Variants in NCAPG observed in about 807,000 individuals in gnomAD.
NCAPG encodes the protein non-SMC condensin I complex subunit G.
A neutral mutation model predicts 113.1 loss-of-function variants in NCAPG; 69 were observed. The ratio of observed to expected loss-of-function variants is 0.61; its 90% CI spans 0.50 to 0.75. The LOEUF is 0.75. Among genes scored for constraint, NCAPG ranks in the 30% least tolerant of loss-of-function variants. NCAPG has a pLI of 0.00. For missense variants in NCAPG, 1,058 were observed against 1,177.0 expected (o/e 0.90, Z 1.48); for synonymous variants, 370 against 415.8 (o/e 0.89, Z 1.34).
intron 5 of NCAPG, among the ~76,000 whole-genome samples, chr4:17,816,178 T>G (rs752808087): frequency 5.9e-5 from 9 of 152,122 alleles, no homozygotes; most frequent in Non-Finnish European, 1.3e-4. Context: ...CAGATGAAAC[T>G]GTTCCACCTC....
At chr4:17,836,800 C>T (rs775058023) in intron 14 of NCAPG, among the ~76,000 whole-genome samples, 6 of 152,186 alleles carry the variant, frequency 3.9e-5, no homozygotes, top group Non-Finnish European at 8.8e-5. Context: ...TAGGCACCTT[C>T]CTCTAATACC....
chr4:17,837,138 A>G (rs2109063786), intron 14 of NCAPG, 21 bp from the exon 15 acceptor site: 1 of 1,607,086 alleles, frequency 6.2e-7, no homozygotes, highest in Non-Finnish European at 8.5e-7. Context: ...AATTTCTTCT[A>G]ATGAATGTCA....
Position 17,840,666 on chromosome 4 carries a change from A to G in NCAPG, c.2827A>G (p.Lys943Glu). 1 of 1,556,610 alleles carries G rather than the reference A, an allele frequency of 6.4e-7. No individual in the cohort carries two copies. Among genetic ancestry groups the G allele is most frequent in the Non-Finnish European group, 8.7e-7 (1 of 1,153,116 alleles). The change falls in exon 19 of 21, where the codon AAG (lysine) becomes GAG (glutamate). Residue 943 changes from lysine (K) to glutamate (E), a missense_variant. Physicochemically the swap from Lys to Glu is moderately conservative, Grantham distance 56 (BLOSUM62 1). Transcript: ENST00000251496. ...GGGTGTAAAAGCAACCCAAGCATCA[A>G]AGTCTACTCAGCTAAAGACTAACAG... is the stretch of plus-strand genomic sequence containing the variant. Reference protein sequence around the residue: ...LRGVKATQASKSTQLKTNRGQ... With the variant: ...LRGVKATQASESTQLKTNRGQ...
chr4:17,816,025 A>G (rs1261999407), intron 5 of NCAPG, among the ~76,000 whole-genome samples: 1 of 152,110 alleles, frequency 6.6e-6, no homozygotes, highest in Non-Finnish European at 1.5e-5. Context: ...GTGTATCAGA[A>G]ACAACAAATA....
chr4:17,834,469 G>A lies in NCAPG; in HGVS notation c.2055G>A (p.Glu685=), dbSNP rs772771763. The A allele has an allele frequency of 1.8e-5, 29 of 1,609,070 alleles. No homozygotes were observed. Among genetic ancestry groups the A allele is most frequent in the Non-Finnish European group, 2.2e-5 (26 of 1,177,576 alleles). ...DDEQESKEVE[E]TATAKNVLKL... ...AGCAAGAATCAAAAGAAGTTGAAGA[G>A]ACTGCTACAGCTAAGAATGTTCTGA... is the stretch of plus-strand genomic sequence containing the variant. Residue 685 remains glutamate, a synonymous_variant, in exon 14 of 21, where the codon GAG becomes GAA. Transcript: ENST00000251496.
At position 17,825,489 on chromosome 4, in the gene NCAPG, A is replaced by T. The variant is rs1390569382; in HGVS notation, c.1581A>T (p.Ala527=). 6.2e-7 allele frequency: 1 copy of T among 1,610,096 alleles called. No homozygotes were observed. ...CAGAATTAAAAGAAGAAATAAAAGC[A>T]TTAGAAGATGCCAGAATAAACCTTT... The part of the protein sequence containing the change: ...RASELKEEIK[A]LEDARINLLK... The change falls in exon 11 of 21, where the codon GCA becomes GCT. Residue 527 remains alanine, a synonymous_variant. Coordinates refer to ENST00000251496, the MANE Select transcript of NCAPG (RefSeq NM_022346.5).
At chr4:17,822,890 C>A in intron 7 of NCAPG, 93 bp from the exon 8 acceptor site, 1 of 990,652 alleles carries the variant, frequency 1.0e-6, no homozygotes, top group Non-Finnish European at 1.4e-6. Context: ...CGAATATGAC[C>A]TGAAAATGGC....
Position 17,818,223 on chromosome 4 carries a change from A to G in NCAPG, c.1118+135A>G, listed in dbSNP as rs1188469840. 2.5e-5 allele frequency: 20 copies of G among 815,386 alleles called. No homozygotes were observed. In the East Asian group the frequency reaches 5.1e-4, roughly 21 times the overall value. The allele number at this position is 815,386 out of a possible 1,614,324, so 50.5% of individuals were successfully genotyped here. On this transcript the variant is annotated intron_variant, in intron 7 of 20. Coordinates refer to ENST00000251496, the MANE Select transcript of NCAPG (RefSeq NM_022346.5). ...TTTTTGTACATGTAGGGATAGTTATATACATCGAGTCTTTTTGAATATCTT... is the reference window on the plus strand; with the variant it reads ...TTTTTGTACATGTAGGGATAGTTATGTACATCGAGTCTTTTTGAATATCTT...
At position 17,817,960 on chromosome 4, in the gene NCAPG, A is replaced by G. The variant is rs778711385; in HGVS notation, c.990A>G (p.Thr330=). 2 of 1,602,926 alleles carry G rather than the reference A, an allele frequency of 1.2e-6. No individual in the cohort carries two copies. Among genetic ancestry groups the G allele is most frequent in the Admixed American group, 3.5e-5 (2 of 56,926 alleles). The part of the protein sequence containing the change: ...NDGRKLIPVE[T]LTPEIALYWC... Reference sequence around the variant, plus strand: ...GAAGGAAATTGATTCCAGTGGAAACATTAACTCCTGAAATTGCTTTGTATT... The same window carrying G: ...GAAGGAAATTGATTCCAGTGGAAACGTTAACTCCTGAAATTGCTTTGTATT... The change falls in exon 7 of 21, where the codon ACA becomes ACG. Residue 330 remains threonine, a synonymous_variant. Coordinates refer to ENST00000251496, the MANE Select transcript of NCAPG (RefSeq NM_022346.5).
At chr4:17,827,760 G>GT (rs796602901) in intron 11 of NCAPG, among the ~76,000 whole-genome samples, 1,961 of 133,648 alleles carry the variant, frequency 0.015, 35 homozygotes, top group African/African-American at 0.041. Context: ...AGGTTGTCAG[G>GT]TTTTTTTTTT....
At chr4:17,837,394 C>A in intron 15 of NCAPG, 54 bp downstream of exon 15, 1 of 1,448,558 alleles carries the variant, frequency 6.9e-7, no homozygotes, top group Non-Finnish European at 9.4e-7. Context: ...AATTCAAGTC[C>A]CCCATGAATT....
intron 3 of NCAPG, among the ~76,000 whole-genome samples, chr4:17,813,952 C>A (rs544599637): frequency 2.1e-4 from 32 of 151,408 alleles, no homozygotes; most frequent in Non-Finnish European, 4.1e-4. Context: ...TAAAAGATAC[C>A]CATAATAATA....
intron 3 of NCAPG, among the ~76,000 whole-genome samples, chr4:17,814,115 A>C (rs1577331583): frequency 6.6e-6 from 1 of 152,330 alleles, no homozygotes; most frequent in African/African-American, 2.4e-5. Flanking sequence ...TCTCATTAAA[A>C]ACCAAAATAA....
Position 17,843,627 on chromosome 4 carries a change from G to GTCAC in NCAPG, c.*203_*206dup, listed in dbSNP as rs1246987124. The GTCAC allele has an allele frequency of 2.1e-5, 9 of 421,596 alleles. No individual in the cohort carries two copies. In the East Asian group the frequency reaches 3.1e-4, roughly 14 times the overall value. The allele number at this position is 421,596 out of a possible 1,614,324, so 26.1% of individuals were successfully genotyped here. ...GTCCAGAAAAAGTGTGCATCAGTCA[G>GTCAC]TCACACAGATTTATCACAATCTGAG... On this transcript the variant is annotated 3_prime_UTR_variant, in exon 21 of 21. Coordinates refer to ENST00000251496, the MANE Select transcript of NCAPG (RefSeq NM_022346.5).
intron 12 of NCAPG, among the ~76,000 whole-genome samples, chr4:17,830,198 C>T (rs11942514): frequency 0.08 from 12,162 of 151,934 alleles, 1,046 homozygotes; most frequent in African/African-American, 0.22. Context: ...TTGAGACCAG[C>T]CTGGGCAACA....
chr4:17,827,666 C>T (rs1229798948), intron 11 of NCAPG, among the ~76,000 whole-genome samples: 1 of 151,304 alleles, frequency 6.6e-6, no homozygotes, highest in Non-Finnish European at 1.5e-5. Context: ...AACTGTGGAA[C>T]ATCAAGAGGA....
intron 7 of NCAPG, among the ~76,000 whole-genome samples, chr4:17,818,587 A>G (rs1407435784): frequency 6.6e-6 from 1 of 152,234 alleles, no homozygotes; most frequent in Non-Finnish European, 1.5e-5. Flanking sequence ...GAAATTTTAA[A>G]AAATGATCAG....
chr4:17,842,531 C>A, intron 20 of NCAPG, 152 bp downstream of exon 20: 1 of 625,710 alleles, frequency 1.6e-6, no homozygotes, highest in Non-Finnish European at 2.8e-6. Flanking sequence ...GTCTAAAATT[C>A]CATCATCAAG....
Sources: allele counts gnomAD v4.1 joint callset (sites outside exome capture counted in the v4.1 genomes callset), GRCh38; gene constraint gnomAD v4.1.1; transcripts MANE v1.5; gene names NCBI Gene and HGNC (gene_info 2026-07-23, HGNC 2026-07-21).